ZFAND3: variants seen among roughly 807,000 people sequenced by gnomAD.
ZFAND3 encodes AN1-type zinc finger protein 3.
A neutral mutation model predicts 29.6 loss-of-function variants in ZFAND3; 10 were observed. The ratio of observed to expected loss-of-function variants is 0.34; its 90% CI spans 0.21 to 0.57. ZFAND3 has a LOEUF of 0.57. Ranked by LOEUF, ZFAND3 falls within the 20% of genes least tolerant of loss-of-function variation. The probability of loss-of-function intolerance (pLI) is 0.86; values close to 1 mark genes in which losing one functional copy is unlikely to be tolerated. For synonymous variants in ZFAND3, 128 were observed against 112.6 expected (o/e 1.14, Z -0.87); for missense variants, 230 against 304.5 (o/e 0.76, Z 1.82).
chr6:38,104,945 C>CA (rs1236662658), intron 4 of ZFAND3, among the ~76,000 whole-genome samples: 1 of 152,132 alleles, frequency 6.6e-6, no homozygotes. Flanking sequence ...CTGTTGGAGA[C>CA]AGGATATATA....
At position 37,897,080 on chromosome 6, in the gene ZFAND3, A is replaced by G. The variant is rs553656983; in HGVS notation, c.72-32879A>G. Among the ~76,000 whole-genome samples the G allele has an allele frequency of 3.3e-5, 5 of 152,298 alleles. No homozygotes were observed. The South Asian group carries it at 8.3e-4, about 25-fold the overall frequency. Reference sequence around the variant, plus strand: ...AAGTATGATGTTAAATTTACAACGTAATGAATTTTCATACATGTATATTTC... The same window carrying G: ...AAGTATGATGTTAAATTTACAACGTGATGAATTTTCATACATGTATATTTC... On this transcript the variant is annotated intron_variant, in intron 1 of 5. Transcript: ENST00000287218.
chr6:38,121,212 T>A (rs1765527475), intron 5 of ZFAND3, among the ~76,000 whole-genome samples: 1 of 152,100 alleles, frequency 6.6e-6, no homozygotes, highest in East Asian at 1.9e-4. Flanking sequence ...TAAGACCCTG[T>A]CTCTATGAAA....
intron 1 of ZFAND3, among the ~76,000 whole-genome samples, chr6:37,915,419 T>C (rs143238489): frequency 1.3e-5 from 2 of 152,374 alleles, no homozygotes; most frequent in East Asian, 3.9e-4. Flanking sequence ...TATCTTGGCT[T>C]TCAACATGCC....
intron 1 of ZFAND3, among the ~76,000 whole-genome samples, chr6:37,896,447 A>G (rs770711836): frequency 1.8e-4 from 28 of 151,460 alleles, no homozygotes; most frequent in Admixed American, 1.2e-3. Context: ...GGTTTGCTAA[A>G]TTTTGTTTAC....
chr6:38,023,161 G>C (rs1763382506), intron 2 of ZFAND3, among the ~76,000 whole-genome samples: 1 of 152,148 alleles, frequency 6.6e-6, no homozygotes, highest in African/African-American at 2.4e-5. Flanking sequence ...GGAGCTTTCA[G>C]AAGAAAGCTA....
At chr6:37,999,281 A>G (rs1171204425) in intron 2 of ZFAND3, among the ~76,000 whole-genome samples, 1 of 152,222 alleles carries the variant, frequency 6.6e-6, no homozygotes, top group Non-Finnish European at 1.5e-5. Context: ...CCATACTGAT[A>G]TATAATTAGT....
chr6:37,895,378 A>G (rs906432193), intron 1 of ZFAND3, among the ~76,000 whole-genome samples: 1 of 149,314 alleles, frequency 6.7e-6, no homozygotes, highest in Non-Finnish European at 1.5e-5. Flanking sequence ...CTTGTTGCCC[A>G]GGCTGGAGTG....
chr6:37,848,344 A>G (rs1217053151), intron 1 of ZFAND3, among the ~76,000 whole-genome samples: 2 of 152,252 alleles, frequency 1.3e-5, no homozygotes, highest in Non-Finnish European at 2.9e-5. Flanking sequence ...AACTGGACAG[A>G]TTGAGGCCAG....
At chr6:38,131,592 C>A (rs1416123808) in intron 5 of ZFAND3, among the ~76,000 whole-genome samples, 1 of 152,250 alleles carries the variant, frequency 6.6e-6, no homozygotes, top group Admixed American at 6.5e-5. Context: ...GTTCCAGTCA[C>A]TTCCATTCTC....
Position 38,096,526 on chromosome 6 carries a change from G to C in ZFAND3, c.361+14069G>C, listed in dbSNP as rs143605106. Among the ~76,000 whole-genome samples, 714 of 152,256 alleles carry C rather than the reference G, an allele frequency of 4.7e-3. 6 individuals carry two copies. The highest frequency in any genetic ancestry group is 0.017 in the African/African-American group (689 of 41,542). On this transcript the variant is annotated intron_variant, in intron 4 of 5. Coordinates refer to ENST00000287218, the MANE Select transcript of ZFAND3 (RefSeq NM_021943.3). Reference sequence around the variant, plus strand: ...AAAATTTGTAGTGAAGTGTGTATTAGGCATCCCTTTTTTCCATTCAAGATG... The same window carrying C: ...AAAATTTGTAGTGAAGTGTGTATTACGCATCCCTTTTTTCCATTCAAGATG...
At chr6:38,011,950 T>C (rs1219677930) in intron 2 of ZFAND3, among the ~76,000 whole-genome samples, 1 of 152,196 alleles carries the variant, frequency 6.6e-6, no homozygotes, top group African/African-American at 2.4e-5. Context: ...AACTATAATA[T>C]GAAAGTTCAA....
chr6:37,893,997 G>T (rs926545386), intron 1 of ZFAND3, among the ~76,000 whole-genome samples: 17 of 151,198 alleles, frequency 1.1e-4, no homozygotes, highest in African/African-American at 4.1e-4. Flanking sequence ...GCTGACACCT[G>T]TAATCCCAGC....
chr6:38,136,030 G>A (rs1448481471), intron 5 of ZFAND3, among the ~76,000 whole-genome samples: 1 of 152,170 alleles, frequency 6.6e-6, no homozygotes, highest in Non-Finnish European at 1.5e-5. Context: ...AGAAGGACTA[G>A]AAATGTCTGG....
chr6:38,086,726 G>A (rs971149913), intron 4 of ZFAND3, among the ~76,000 whole-genome samples: 9 of 152,054 alleles, frequency 5.9e-5, no homozygotes, highest in Non-Finnish European at 5.9e-5. Context: ...GAAGGTATTT[G>A]GATATTTAGC....
chr6:38,029,397 G>C (rs1763507020), intron 2 of ZFAND3, among the ~76,000 whole-genome samples: 1 of 152,150 alleles, frequency 6.6e-6, no homozygotes, highest in Admixed American at 6.5e-5. Flanking sequence ...ATCAGTTTCT[G>C]TATTACTAAA....
At chr6:38,136,853 C>G (rs1324773157) in intron 5 of ZFAND3, among the ~76,000 whole-genome samples, 1 of 152,238 alleles carries the variant, frequency 6.6e-6, no homozygotes, top group Admixed American at 6.5e-5. Context: ...ACATTTGTTT[C>G]CCTGAGCTCT....
chr6:38,133,675 G>A (rs1167338442), intron 5 of ZFAND3, among the ~76,000 whole-genome samples: 8 of 151,856 alleles, frequency 5.3e-5, no homozygotes, highest in Non-Finnish European at 8.8e-5. Flanking sequence ...GCGTGAACCC[G>A]GGAGGCAGAG....
chr6:38,009,932 C>T (rs955145914), intron 2 of ZFAND3, among the ~76,000 whole-genome samples: 3 of 151,796 alleles, frequency 2.0e-5, no homozygotes, highest in African/African-American at 7.3e-5. Context: ...ACGGTGGGGG[C>T]GCAAGAGAAA....
intron 2 of ZFAND3, among the ~76,000 whole-genome samples, chr6:37,977,858 T>TCCTTCCTTCCTTCCTTCCTTCCTTCCTC: frequency 7.0e-6 from 1 of 143,154 alleles, no homozygotes; most frequent in African/African-American, 2.6e-5. Context: ...CTTCCTTCCT[T>TCCTTCCTTCCTTCCTTCCTTCCTTCCTC]CCTTCCTTCC....
Sources: gnomAD v4.1 joint callset for allele counts (sites outside exome capture counted in the v4.1 genomes callset) on GRCh38, gnomAD v4.1.1 for gene constraint, MANE v1.5 for transcripts, NCBI Gene and HGNC (gene_info 2026-07-23, HGNC 2026-07-21) for gene names.